APP: variants seen among roughly 807,000 people sequenced by gnomAD.
The protein encoded by APP is amyloid-beta precursor protein.
In APP, 31 loss-of-function variants were observed where a neutral mutation model predicts 101.4. The observed-to-expected ratio is 0.31, with a 90% CI of 0.23 to 0.41. APP has a LOEUF of 0.41. Among genes scored for constraint, APP ranks in the 10% least tolerant of loss-of-function variants. The probability of loss-of-function intolerance (pLI) is 1.00; values close to 1 mark genes in which losing one functional copy is unlikely to be tolerated. For synonymous variants in APP, 366 were observed against 364.4 expected (o/e 1.00, Z -0.05); for missense variants, 839 against 1,003.7 (o/e 0.84, Z 2.22).
Position 26,054,085 on chromosome 21 carries a change from C to T in APP, c.356-737G>A, listed in dbSNP as rs1355182399. Reference sequence around the variant, plus strand: ...CTTAATTTTTGTTTACTGCAATATTCCCAGCTTTTAGCACAGATTCTTGCA... The same window carrying T: ...CTTAATTTTTGTTTACTGCAATATTTCCAGCTTTTAGCACAGATTCTTGCA... On this transcript the variant is annotated intron_variant, in intron 3 of 17. Coordinates refer to ENST00000346798, the MANE Select transcript of APP (RefSeq NM_000484.4). Among the ~76,000 whole-genome samples, 5 of 152,226 alleles carry T rather than the reference C, an allele frequency of 3.3e-5. No individual in the cohort carries two copies. The South Asian group carries it at 6.2e-4, about 19-fold the overall frequency.
chr21:25,994,314 A>G (rs1409139112), intron 8 of APP, among the ~76,000 whole-genome samples: 1 of 152,174 alleles, frequency 6.6e-6, no homozygotes. Flanking sequence ...AAGATTCTTT[A>G]TCCCAAATGA....
chr21:26,122,617 A>G (rs1316890609), intron 1 of APP, among the ~76,000 whole-genome samples: 1 of 152,154 alleles, frequency 6.6e-6, no homozygotes, highest in Non-Finnish European at 1.5e-5. Flanking sequence ...AAGCACTTAT[A>G]TGTTTTATCA....
chr21:26,011,822 C>A (rs117748107), intron 6 of APP, among the ~76,000 whole-genome samples: 1 of 151,980 alleles, frequency 6.6e-6, no homozygotes, highest in Non-Finnish European at 1.5e-5. Context: ...CCTAAAGTCA[C>A]GTGCAAGCAA....
At position 25,898,707 on chromosome 21, in the gene APP, G is replaced by A. The variant is rs148943205; in HGVS notation, c.1964-1034C>T. ...CATCCTTTGAGCCTGATTCAACACA[G>A]AGCAAGCCTAATCCTCCCTTCCACA... is the stretch of plus-strand genomic sequence containing the variant. On this transcript the variant is annotated intron_variant, in intron 15 of 17. Transcript: ENST00000346798. 7.9e-3 allele frequency among the ~76,000 whole-genome samples: 1,197 copies of A among 152,268 alleles called. 8 individuals are homozygous for A. Among genetic ancestry groups the A allele is most frequent in the Non-Finnish European group, 0.013 (885 of 68,022 alleles).
intron 1 of APP, among the ~76,000 whole-genome samples, chr21:26,136,401 C>CT (rs1201007458): frequency 2.0e-5 from 3 of 152,060 alleles, no homozygotes; most frequent in Non-Finnish European, 4.4e-5. Flanking sequence ...CTGGATCCAT[C>CT]AGGCTTTATC....
chr21:25,881,563 A>T lies in APP; in HGVS notation c.*107T>A. 1 of 1,301,042 alleles carries T rather than the reference A, an allele frequency of 7.7e-7. No individual in the cohort carries two copies. The highest frequency in any genetic ancestry group is 1.5e-5 in the African/African-American group (1 of 68,864). The allele number at this position is 1,301,042 out of a possible 1,614,324, so 80.6% of individuals were successfully genotyped here. ...GCTGTCAAAAGGCGATAATGAGTAA[A>T]TCATAAAACGGGTTTGTTTCTTCCC... is the stretch of plus-strand genomic sequence containing the variant. On this transcript the variant is annotated 3_prime_UTR_variant, in exon 18 of 18. Coordinates refer to ENST00000346798, the MANE Select transcript of APP (RefSeq NM_000484.4).
At chr21:25,901,492 C>CTATAA (rs1175388358) in intron 15 of APP, among the ~76,000 whole-genome samples, 1 of 152,038 alleles carries the variant, frequency 6.6e-6, no homozygotes, top group African/African-American at 2.4e-5. Flanking sequence ...AGAGCTCTTG[C>CTATAA]TATAATAGTT....
intron 1 of APP, chr21:26,169,249 C>T (rs1026862664): frequency 5.9e-5 from 9 of 152,294 alleles, no homozygotes; most frequent in African/African-American, 1.9e-4. Context: ...TAGGCTGCAG[C>T]CTCCACACAG....
intron 3 of APP, among the ~76,000 whole-genome samples, chr21:26,066,372 T>G (rs1323435684): frequency 1.3e-5 from 2 of 152,124 alleles, no homozygotes; most frequent in Non-Finnish European, 2.9e-5. Flanking sequence ...TTAAGTAGAT[T>G]CATATCGTTG....
Position 26,021,937 on chromosome 21 carries a change from T to C in APP, c.768A>G (p.Glu256=). Residue 256 remains glutamate, a synonymous_variant, in exon 6 of 18, where the codon GAA becomes GAG. Coordinates refer to ENST00000346798, the MANE Select transcript of APP (RefSeq NM_000484.4). ...EDDEDGDEVE[E]EAEEPYEEAT... ...CTTCTTCGTAGGGTTCCTCAGCCTC[T>C]TCCTCTACCTCATCACCATCCTCAT... The C allele has an allele frequency of 1.2e-6, 2 of 1,613,530 alleles. No individual in the cohort carries two copies. The highest frequency in any genetic ancestry group is 1.7e-6 in the Non-Finnish European group (2 of 1,179,712).
rs1391297929 is a variant in APP at position 26,051,203 on chromosome 21, G to A, written c.469-10C>T. The A allele has an allele frequency of 1.2e-6, 2 of 1,610,814 alleles. No individual in the cohort carries two copies. The highest frequency in any genetic ancestry group is 1.7e-6 in the Non-Finnish European group (2 of 1,177,940). ...TCTTCTCACTGCATGTCTACAAAGT[G>A]TAAGGAGAAAACAGTGAGTGGTAGA... is the stretch of plus-strand genomic sequence containing the variant. On this transcript the variant is annotated splice_polypyrimidine_tract_variant and intron_variant, in intron 4 of 17. Transcript: ENST00000346798.
At chr21:26,053,770 G>C (rs1252056403) in intron 3 of APP, among the ~76,000 whole-genome samples, 6 of 152,120 alleles carry the variant, frequency 3.9e-5, no homozygotes, top group Admixed American at 2.6e-4. Context: ...TAATCTGCTT[G>C]TAAGTAACAG....
chr21:26,036,873 G>T (rs971702164), intron 5 of APP, among the ~76,000 whole-genome samples: 1 of 152,066 alleles, frequency 6.6e-6, no homozygotes, highest in African/African-American at 2.4e-5. Context: ...ATTAAAAGAG[G>T]TATCTGCACT....
At chr21:25,891,574 A>G in intron 17 of APP, 148 bp downstream of exon 17, 1 of 822,552 alleles carries the variant, frequency 1.2e-6, no homozygotes, top group South Asian at 1.4e-5. Flanking sequence ...AAACCAAAAC[A>G]AGAAAGAACA....
rs922520529 is a variant in APP, at chr21:25,976,032, T to C, written c.1225-4A>G. ...CCTCTTCCCATTCTCTCATGACCTA[T>C]AAATTAAGGAAACATTTGAATTTAA... is the stretch of plus-strand genomic sequence containing the variant. On this transcript the variant is annotated splice_region_variant and splice_polypyrimidine_tract_variant and intron_variant, in intron 9 of 17. Coordinates refer to ENST00000346798, the MANE Select transcript of APP (RefSeq NM_000484.4). The C allele has an allele frequency of 6.2e-7, 1 of 1,610,708 alleles. No individual in the cohort carries two copies. Among genetic ancestry groups the C allele is most frequent in the Non-Finnish European group, 8.5e-7 (1 of 1,177,012 alleles).
chr21:26,074,247 T>C (rs2146046252), intron 3 of APP, among the ~76,000 whole-genome samples: 1 of 151,958 alleles, frequency 6.6e-6, no homozygotes, highest in South Asian at 2.1e-4. Context: ...TACTTAAAGG[T>C]TTAAGAGGGG....
chr21:25,890,954 G>A (rs1445489312), intron 17 of APP, among the ~76,000 whole-genome samples: 1 of 152,128 alleles, frequency 6.6e-6, no homozygotes, highest in Non-Finnish European at 1.5e-5. Context: ...GCATATAAAA[G>A]TTATGTTTAC....
At chr21:25,899,586 G>A (rs1303750348) in intron 15 of APP, among the ~76,000 whole-genome samples, 1 of 152,132 alleles carries the variant, frequency 6.6e-6, no homozygotes, top group African/African-American at 2.4e-5. Flanking sequence ...TAGTAACAGT[G>A]ACGTGAGTGA....
At chr21:25,932,919 C>G (rs1311463090) in intron 13 of APP, among the ~76,000 whole-genome samples, 1 of 152,158 alleles carries the variant, frequency 6.6e-6, no homozygotes, top group Non-Finnish European at 1.5e-5. Context: ...CCTCAAAAGT[C>G]AGAGCCTCTA....
Sources: allele counts gnomAD v4.1 joint callset (sites outside exome capture counted in the v4.1 genomes callset), GRCh38; gene constraint gnomAD v4.1.1; transcripts MANE v1.5; gene names NCBI Gene and HGNC (gene_info 2026-07-23, HGNC 2026-07-21).